The following TTC19 variants were observed in gnomAD, a reference collection of about 807,000 sequenced individuals.
The protein encoded by TTC19 is tetratricopeptide repeat domain 19, also known as tetratricopeptide repeat protein 19, mitochondrial.
TTC19 carries 38 observed loss-of-function variants against 49.5 expected under a neutral mutation model. The ratio of observed to expected loss-of-function variants is 0.77; its 90% CI spans 0.59 to 1.01. TTC19 has a LOEUF of 1.01. Among genes scored for constraint, TTC19 ranks in the 50% least tolerant of loss-of-function variants. TTC19 has a pLI of 0.00. For synonymous variants in TTC19, 204 were observed against 185.2 expected (o/e 1.10, Z -0.83); for missense variants, 475 against 477.7 (o/e 0.99, Z 0.05).
At chr17:16,003,705 CGT>C in intron 4 of TTC19, 124 bp from the exon 5 acceptor site, 1 of 821,092 alleles carries the variant, frequency 1.2e-6, no homozygotes, top group Admixed American at 2.1e-5. Flanking sequence ...TGTGAGTGTG[CGT>C]GTGTGTGGGT....
intron 7 of TTC19, among the ~76,000 whole-genome samples, chr17:16,008,792 C>G (rs943542709): frequency 6.6e-6 from 1 of 152,152 alleles, no homozygotes; most frequent in African/African-American, 2.4e-5. Context: ...GTACTTCACT[C>G]AGGTCTCTGC....
downstream of TTC19, chr17:16,032,228 T>C (rs1184778771): frequency 6.9e-7 from 1 of 1,448,428 alleles, no homozygotes; most frequent in East Asian, 2.8e-5. Flanking sequence ...TTTGACCTGC[T>C]ACTAAAAATT....
rs770827831 is a variant in TTC19 at position 16,025,129 on chromosome 17, T to C, written c.789T>C (p.Ala263=). ...AGGCACAAAGGATGTATGAAAAAGC[T>C]CTGCAGATTTCTGAAGAAATACAAG... is the stretch of plus-strand genomic sequence containing the variant. ...PSQAQRMYEK[A]LQISEEIQGE... Residue 263 remains alanine, a synonymous_variant, in exon 8 of 10, where the codon GCT becomes GCC. Coordinates refer to ENST00000261647, the MANE Select transcript of TTC19 (RefSeq NM_017775.4). 9.9e-6 allele frequency: 16 copies of C among 1,613,916 alleles called. No homozygotes were observed. The highest frequency in any genetic ancestry group is 2.2e-5 in the East Asian group (1 of 44,880).
chr17:16,019,363 T>C (rs1203494442), intron 7 of TTC19, among the ~76,000 whole-genome samples: 1 of 152,192 alleles, frequency 6.6e-6, no homozygotes, highest in Non-Finnish European at 1.5e-5. Context: ...ACAATAGGGC[T>C]AATATGTTTT....
At chr17:16,030,353 C>T (rs570582021), downstream of TTC19, 37 of 218,430 alleles carry the variant, frequency 1.7e-4, no homozygotes, top group Admixed American at 4.1e-4. Context: ...AGTTCAAACC[C>T]GTGTTGTTCA....
exon 3 of TTC19, chr17:16,044,885 T>G (rs2058398991): frequency 1.3e-6 from 1 of 749,764 alleles, no homozygotes; most frequent in East Asian, 2.5e-5. Context: ...CTGCTCCAGC[T>G]GAGAAGAAAG....
At chr17:16,032,729 A>C (rs1381572450), downstream of TTC19, among the ~76,000 whole-genome samples, 1 of 152,244 alleles carries the variant, frequency 6.6e-6, no homozygotes, top group Non-Finnish European at 1.5e-5. Flanking sequence ...AGGGCTGCTG[A>C]GCCCAGAAGA....
downstream of TTC19, chr17:16,032,504 T>A: frequency 8.3e-6 from 13 of 1,561,004 alleles, no homozygotes; most frequent in Non-Finnish European, 1.1e-5. Flanking sequence ...AAAAATTAGG[T>A]TTTCATTGTC....
At chr17:16,039,717 A>C in intron 2 of TTC19, 1 of 1,427,250 alleles carries the variant, frequency 7.0e-7, no homozygotes, top group Non-Finnish European at 9.7e-7. Flanking sequence ...ACAAACATGC[A>C]TTGCCCCATC....
chr17:16,001,759 G>C (rs1261105115), intron 2 of TTC19, among the ~76,000 whole-genome samples, 156 bp from the exon 3 acceptor site: 2 of 152,210 alleles, frequency 1.3e-5, no homozygotes, highest in Admixed American at 6.5e-5. Context: ...CATCTCTGTA[G>C]ACAATGCTTT....
intron 2 of TTC19, 183 bp downstream of exon 2, chr17:16,000,428 C>T (rs1970688607): frequency 6.9e-7 from 1 of 1,446,098 alleles, no homozygotes; most frequent in Non-Finnish European, 9.1e-7. Context: ...GCTTTTCCGA[C>T]TCTAAGGCCT....
At chr17:16,004,374 C>T in intron 6 of TTC19, 112 bp downstream of exon 6, 1 of 1,010,844 alleles carries the variant, frequency 9.9e-7, no homozygotes, top group Non-Finnish European at 1.6e-6. Context: ...TTGGGTGTCA[C>T]ACTCAAAGTG....
At chr17:16,037,770 A>G (rs926618625) in intron 2 of TTC19, among the ~76,000 whole-genome samples, 1 of 152,206 alleles carries the variant, frequency 6.6e-6, no homozygotes, top group Non-Finnish European at 1.5e-5. Flanking sequence ...AGCCCTTTTG[A>G]TTTTTCCAGA....
rs143293913 is a variant in TTC19, at chr17:16,026,606, A to C, written c.898A>C (p.Ile300Leu). ...DAQGRFDEAY[I>L]YMQRASDLAR... ...ACAGGGCCGCTTTGATGAGGCCTAT[A>C]TTTATATGCAAAGGGCATCAGATCT... The change falls in exon 9 of 10, where the codon ATT becomes CTT. Residue 300 changes from isoleucine to leucine, a missense_variant. Physicochemically the swap from Ile to Leu is conservative, Grantham distance 5. Coordinates refer to ENST00000261647, the MANE Select transcript of TTC19 (RefSeq NM_017775.4). 418 of 1,614,096 alleles carry C rather than the reference A, an allele frequency of 2.6e-4. 1 individual carries two copies. The African/African-American group carries it at 4.5e-3, about 18-fold the overall frequency.
downstream of TTC19, among the ~76,000 whole-genome samples, chr17:16,033,326 A>G (rs1597509810): frequency 7.7e-6 from 1 of 129,638 alleles, no homozygotes; most frequent in Non-Finnish European, 1.6e-5. Flanking sequence ...CAAGAACGAA[A>G]CTCCGTCTCC....
At chr17:16,000,985 T>C (rs965982933) in intron 2 of TTC19, among the ~76,000 whole-genome samples, 7 of 152,240 alleles carry the variant, frequency 4.6e-5, no homozygotes, top group African/African-American at 1.7e-4. Flanking sequence ...ACAAGTCCTG[T>C]TGCCAACAAA....
chr17:16,000,244 A>C lies in TTC19; in HGVS notation c.311A>C (p.Lys104Thr). Residue 104 changes from lysine to threonine, a missense_variant and splice_region_variant, in exon 2 of 10, where the codon AAG becomes ACG. Transcript: ENST00000261647. The stretch of plus-strand genomic sequence containing the variant: ...ATCATCCAGCTGCTGAAGCGAGCCA[A>C]GGTGAGGCGGCTCCGGGCCCTGCGC... ...AEIIQLLKRA[K>T]LSIMKDEPEE... 6.3e-7 allele frequency: 1 copy of C among 1,595,006 alleles called. No homozygotes were observed. Among genetic ancestry groups the C allele is most frequent in the Non-Finnish European group, 8.5e-7 (1 of 1,178,996 alleles).
At chr17:16,025,266 A>G in intron 8 of TTC19, 95 bp downstream of exon 8, 1 of 1,307,990 alleles carries the variant, frequency 7.6e-7, no homozygotes, top group Non-Finnish European at 1.1e-6. Flanking sequence ...GGATCAGCAG[A>G]TGGTCCTAGA....
At chr17:16,040,549 AC>A (rs2057368374) in intron 2 of TTC19, 2 of 1,454,046 alleles carry the variant, frequency 1.4e-6, no homozygotes, top group East Asian at 4.6e-5. Flanking sequence ...TATATACCAA[AC>A]TAAAGTCTCA....
Sources: allele counts gnomAD v4.1 joint callset (sites outside exome capture counted in the v4.1 genomes callset), GRCh38; gene constraint gnomAD v4.1.1; transcripts MANE v1.5; gene names NCBI Gene and HGNC (gene_info 2026-07-23, HGNC 2026-07-21).